SEZ6L: variants seen among roughly 807,000 people sequenced by gnomAD.
The protein encoded by SEZ6L is seizure related 6 homolog like.
Under a neutral mutation model 106.2 loss-of-function variants are expected in SEZ6L, and 37 were observed. The ratio of observed to expected loss-of-function variants is 0.35; its 90% CI spans 0.27 to 0.46. The LOEUF is 0.46. Among genes scored for constraint, SEZ6L ranks in the 20% least tolerant of loss-of-function variants. The pLI is 1.00. For missense variants in SEZ6L, 1,172 were observed against 1,332.8 expected, an observed-to-expected ratio of 0.88 and a Z score of 1.88; for synonymous variants, 541 against 570.4, an observed-to-expected ratio of 0.95 and a Z score of 0.73.
At chr22:26,304,467 A>G (rs1347448459) in intron 5 of SEZ6L, among the ~76,000 whole-genome samples, 4 of 152,166 alleles carry the variant, frequency 2.6e-5, no homozygotes, top group Admixed American at 6.5e-5. Flanking sequence ...GTTCTCTCAT[A>G]TAGTACGTGA....
In SEZ6L at chr22:26,209,946, AGAAG is replaced by A. The variant is rs965549474; in HGVS notation, c.94+40188_94+40191del. On this transcript the variant is annotated intron_variant, in intron 1 of 16. Transcript: ENST00000248933. ...TGGATATATGCATGAATGGATGGCA[AGAAG>A]GAAGTAAAAAGGGAGAGAGGGAGGG... 4.2e-4 allele frequency among the ~76,000 whole-genome samples: 46 copies of A among 108,798 alleles called. 1 individual carries two copies. The highest frequency in any genetic ancestry group is 1.7e-3 in the African/African-American group (46 of 26,758). The allele number at this position is 108,798 out of a possible 152,430, so 71.4% of individuals were successfully genotyped here.
chr22:26,329,323 C>T (rs983712866), intron 9 of SEZ6L, among the ~76,000 whole-genome samples: 1 of 152,034 alleles, frequency 6.6e-6, no homozygotes, highest in African/African-American at 2.4e-5. Context: ...CAAAAATTAG[C>T]TGGGCTTGGT....
chr22:26,348,562 G>GAAAGAAAGAAAGAAAGAAA (rs1569473304), intron 11 of SEZ6L, among the ~76,000 whole-genome samples: 2 of 46,936 alleles, frequency 4.3e-5, no homozygotes, highest in African/African-American at 1.7e-4. Flanking sequence ...AGGAAGGAAG[G>GAAAGAAAGAAAGAAAGAAA]GAGGAAAGAA....
chr22:26,293,192 G>T (rs775393540), intron 2 of SEZ6L, 46 bp downstream of exon 2: 52 of 1,465,814 alleles, frequency 3.5e-5, no homozygotes, highest in Non-Finnish European at 4.5e-5. Flanking sequence ...CAGCCATGAG[G>T]CACTCACTAT....
intron 1 of SEZ6L, chr22:26,254,220 T>G (rs997481547): frequency 6.6e-6 from 1 of 152,226 alleles, no homozygotes; most frequent in Non-Finnish European, 1.5e-5. Context: ...GGTAAAACTG[T>G]TCATGCCCTT....
intron 13 of SEZ6L, among the ~76,000 whole-genome samples, chr22:26,371,365 CCAA>C (rs773447893): frequency 6.6e-6 from 1 of 152,158 alleles, no homozygotes; most frequent in Non-Finnish European, 1.5e-5. Flanking sequence ...TCCACGCTCA[CCAA>C]CAATGTGTAA....
At chr22:26,170,161 G>C (rs1362210361) in intron 1 of SEZ6L, among the ~76,000 whole-genome samples, 1 of 152,092 alleles carries the variant, frequency 6.6e-6, no homozygotes, top group South Asian at 2.1e-4. Flanking sequence ...AGGACAGGAA[G>C]GGGGGTGAGA....
chr22:26,260,804 T>C (rs9620598), intron 1 of SEZ6L, among the ~76,000 whole-genome samples: 2,288 of 152,294 alleles, frequency 0.015, 60 homozygotes, highest in African/African-American at 0.053. Flanking sequence ...AAGGAATCTC[T>C]ACACTGTCAT....
At chr22:26,349,492 G>T (rs1482310199) in intron 11 of SEZ6L, among the ~76,000 whole-genome samples, 1 of 152,202 alleles carries the variant, frequency 6.6e-6, no homozygotes. Context: ...TTGTGTGTGT[G>T]TGTACATGCA....
chr22:26,332,297 A>G (rs573071387), intron 9 of SEZ6L, among the ~76,000 whole-genome samples: 1 of 151,458 alleles, frequency 6.6e-6, no homozygotes, highest in South Asian at 2.1e-4. Context: ...CTACAAGTGC[A>G]TGCCACCATG....
At chr22:26,225,550 A>C (rs1460571624) in intron 1 of SEZ6L, among the ~76,000 whole-genome samples, 4 of 152,232 alleles carry the variant, frequency 2.6e-5, no homozygotes, top group Non-Finnish European at 5.9e-5. Context: ...GATGACTCGA[A>C]GAAGAAAGAC....
At chr22:26,370,768 C>T (rs1307652456) in intron 13 of SEZ6L, among the ~76,000 whole-genome samples, 1 of 151,878 alleles carries the variant, frequency 6.6e-6, no homozygotes, top group Non-Finnish European at 1.5e-5. Context: ...CTTTGAGAGG[C>T]CGAGGTGGGA....
intron 12 of SEZ6L, among the ~76,000 whole-genome samples, chr22:26,362,701 T>G (rs578157359): frequency 6.6e-6 from 1 of 152,306 alleles, no homozygotes; most frequent in East Asian, 1.9e-4. Context: ...CAGAGCTATC[T>G]ATGGTGTCAT....
chr22:26,208,848 CTCTGTGTGTG>C (rs1168221588), intron 1 of SEZ6L, among the ~76,000 whole-genome samples: 1,126 of 106,880 alleles, frequency 0.011, 17 homozygotes, highest in African/African-American at 0.041. Flanking sequence ...TTGACTCTCT[CTCTGTGTGTG>C]TGTGTGTGTG....
chr22:26,247,495 A>T (rs2079401291), intron 1 of SEZ6L, among the ~76,000 whole-genome samples: 1 of 152,144 alleles, frequency 6.6e-6, no homozygotes, highest in Admixed American at 6.5e-5. Flanking sequence ...ATGCAGAGAG[A>T]CACACTCAGA....
chr22:26,266,296 T>C (rs5761459), intron 1 of SEZ6L, among the ~76,000 whole-genome samples: 28,580 of 149,606 alleles, frequency 0.19, 3,991 homozygotes, highest in African/African-American at 0.36. Context: ...CACGGTGGCT[T>C]ACGCCTGTAA....
intron 1 of SEZ6L, among the ~76,000 whole-genome samples, chr22:26,179,508 G>A (rs1245276419): frequency 6.6e-6 from 1 of 152,202 alleles, no homozygotes; most frequent in Non-Finnish European, 1.5e-5. Context: ...GAATCTGCCA[G>A]CACATTGATC....
At chr22:26,209,686 G>T (rs1476688204) in intron 1 of SEZ6L, among the ~76,000 whole-genome samples, 2 of 150,174 alleles carry the variant, frequency 1.3e-5, no homozygotes, top group East Asian at 4.0e-4. Flanking sequence ...TAGATGACAG[G>T]AAGGGAAGGA....
rs71311560 is a variant in SEZ6L at position 26,324,064 on chromosome 22, C to CCACACACACACACACACA, written c.2015+10183_2015+10200dup. Among the ~76,000 whole-genome samples, 103 of 140,264 alleles carry CCACACACACACACACACA rather than the reference C, an allele frequency of 7.3e-4. 1 individual carries two copies. Among genetic ancestry groups the CCACACACACACACACACA allele is most frequent in the Non-Finnish European group, 1.2e-3 (75 of 64,806 alleles). 92.0% of individuals were successfully genotyped at this position (140,264 alleles called of 152,430 possible). A position where few individuals can be genotyped will look rare whatever the true frequency, so the allele number is the denominator to read the frequency against. ...CTCTAAGACCAAAGCCAGTTTTTAA[C>CCACACACACACACACACA]CACACACACACACACACACACACAC... On this transcript the variant is annotated intron_variant, in intron 9 of 16. Coordinates refer to ENST00000248933, the MANE Select transcript of SEZ6L (RefSeq NM_021115.5).
Sources: allele counts gnomAD v4.1 joint callset (sites outside exome capture counted in the v4.1 genomes callset), GRCh38; gene constraint gnomAD v4.1.1; transcripts MANE v1.5; gene names NCBI Gene and HGNC (gene_info 2026-07-23, HGNC 2026-07-21).